GTSE1: variants seen among roughly 807,000 people sequenced by gnomAD.
GTSE1 encodes the protein G2 and S-phase expressed 1.
Under a neutral mutation model 60.5 loss-of-function variants are expected in GTSE1, and 52 were observed. That is an observed-to-expected ratio of 0.86 (90% CI 0.69 to 1.08). The LOEUF (loss-of-function observed/expected upper bound fraction) is 1.08, where lower values mean the gene tolerates loss of function less well. Ranked by LOEUF, GTSE1 falls within the 50% of genes least tolerant of loss-of-function variation. The pLI is 0.00. For synonymous variants in GTSE1, 368 were observed against 386.5 expected (o/e 0.95, Z 0.56); for missense variants, 937 against 961.8 (o/e 0.97, Z 0.34).
rs574871390 is a variant in GTSE1, at chr22:46,302,519, G to A, written c.79+5040G>A. On this transcript the variant is annotated intron_variant, in intron 2 of 11. Coordinates refer to ENST00000454366, the MANE Select transcript of GTSE1 (RefSeq NM_016426.7). ...CCTCCCTGGTAGCTGAGACTACCACGCCTAGCTAATTTTTGTATTTTTTGT... is the reference window on the plus strand; with the variant it reads ...CCTCCCTGGTAGCTGAGACTACCACACCTAGCTAATTTTTGTATTTTTTGT... 5.3e-5 allele frequency among the ~76,000 whole-genome samples: 8 copies of A among 151,916 alleles called. No individual in the cohort carries two copies. In the South Asian group the frequency reaches 1.0e-3, roughly 20 times the overall value.
intron 2 of GTSE1, among the ~76,000 whole-genome samples, chr22:46,299,031 A>T (rs1252272191): frequency 6.6e-6 from 1 of 152,056 alleles, no homozygotes; most frequent in East Asian, 1.9e-4. Context: ...CACTCCATTC[A>T]AGCTGCTTTC....
Position 46,329,349 on chromosome 22 carries a change from T to C in GTSE1, c.1927-9T>C. On this transcript the variant is annotated splice_polypyrimidine_tract_variant and intron_variant, in intron 10 of 11. Transcript: ENST00000454366. The surrounding 1 kb of genome is among the most constrained non-coding windows in gnomAD (Gnocchi z 6.4). ...TGGACTCTGCTCTTAACCTTGGTTT[T>C]GTACCCAGGCTCTTCTTGTAGATAT... The C allele has an allele frequency of 6.2e-7, 1 of 1,609,662 alleles. No homozygotes were observed. Among genetic ancestry groups the C allele is most frequent in the Non-Finnish European group, 8.5e-7 (1 of 1,175,982 alleles).
chr22:46,304,773 G>GTT lies in GTSE1; in HGVS notation c.80-3375_80-3374dup, dbSNP rs1235370965. On this transcript the variant is annotated intron_variant, in intron 2 of 11. Transcript: ENST00000454366. The surrounding 1 kb of genome is among the most constrained non-coding windows in gnomAD (Gnocchi z 4.4). ...GTAGGAGGAATGCTTGTTCCCAGCA[G>GTT]TTTGAGACCAGCCTGGGCAACATGA... is the stretch of plus-strand genomic sequence containing the variant. 1.3e-5 allele frequency among the ~76,000 whole-genome samples: 2 copies of GTT among 152,130 alleles called. No individual in the cohort carries two copies. The highest frequency in any genetic ancestry group is 2.9e-5 in the Non-Finnish European group (2 of 68,022).
chr22:46,315,247 CG>C (rs1412098955), intron 6 of GTSE1, among the ~76,000 whole-genome samples: 11 of 152,112 alleles, frequency 7.2e-5, no homozygotes, highest in Non-Finnish European at 1.2e-4. Context: ...TTAGTAGTGA[CG>C]GGGTTTCACC....
At position 46,313,506 on chromosome 22, in the gene GTSE1, TTTG is replaced by T. The variant is rs887677067; in HGVS notation, c.928-365_928-363del. On this transcript the variant is annotated intron_variant, in intron 5 of 11. Transcript: ENST00000454366. The surrounding 1 kb of genome is among the most constrained non-coding windows in gnomAD (Gnocchi z 4.4). ...TTTTAAAATAGTAAAAACACCAACT[TTTG>T]TTGTTGTTGTTGTTGTTGAGACGGA... Among the ~76,000 whole-genome samples the T allele has an allele frequency of 3.6e-4, 55 of 152,216 alleles. No individual in the cohort carries two copies. Among genetic ancestry groups the T allele is most frequent in the African/African-American group, 8.7e-4 (36 of 41,542 alleles).
chr22:46,315,494 T>C (rs2077773712), intron 6 of GTSE1, among the ~76,000 whole-genome samples: 1 of 150,474 alleles, frequency 6.6e-6, no homozygotes, highest in Admixed American at 6.6e-5. Context: ...ACTCCTGGGC[T>C]AAAGTTTTTC....
chr22:46,329,009 A>C lies in GTSE1; in HGVS notation c.1926+120A>C. The C allele has an allele frequency of 1.2e-6, 1 of 803,816 alleles. No homozygotes were observed. The highest frequency in any genetic ancestry group is 1.6e-5 in the South Asian group (1 of 61,654). The allele number at this position is 803,816 out of a possible 1,614,324, so 49.8% of individuals were successfully genotyped here. A position where few individuals can be genotyped will look rare whatever the true frequency, so the allele number is the denominator to read the frequency against. On this transcript the variant is annotated intron_variant, in intron 10 of 11. Coordinates refer to ENST00000454366, the MANE Select transcript of GTSE1 (RefSeq NM_016426.7). This position sits in a 1 kb window ranked among gnomAD's most constrained non-coding sequence, Gnocchi z 6.4. ...CCCTGCCATGCTTCATCCTGGGGCC[A>C]GTGCCTCCGTGCCAAGCAACCCAAA...
chr22:46,307,014 G>A (rs1768131695), intron 2 of GTSE1, among the ~76,000 whole-genome samples: 1 of 152,244 alleles, frequency 6.6e-6, no homozygotes, highest in South Asian at 2.1e-4. Flanking sequence ...GGCTAGTGCA[G>A]TGGTAGAAGT....
rs768595828 is a variant in GTSE1, at chr22:46,320,415, G to A, written c.1433-2775G>A. Among the ~76,000 whole-genome samples the A allele has an allele frequency of 5.3e-5, 8 of 152,182 alleles. No individual in the cohort carries two copies. The highest frequency in any genetic ancestry group is 8.8e-5 in the Non-Finnish European group (6 of 68,032). On this transcript the variant is annotated intron_variant, in intron 7 of 11. Transcript: ENST00000454366. The surrounding 1 kb of genome is among the most constrained non-coding windows in gnomAD (Gnocchi z 7.1). ...TGGTCCCACAAACTCAGCACTGGCCGGAAGAGAGGCCCCAGGGGAGCAGCC... is the reference window on the plus strand; with the variant it reads ...TGGTCCCACAAACTCAGCACTGGCCAGAAGAGAGGCCCCAGGGGAGCAGCC...
chr22:46,305,552 T>TG (rs2077710878), intron 2 of GTSE1, among the ~76,000 whole-genome samples: 1 of 151,274 alleles, frequency 6.6e-6, no homozygotes, highest in African/African-American at 2.4e-5. Context: ...GAGGTTGTAG[T>TG]GAGCCAAGAT....
In GTSE1 at chr22:46,316,658, T is replaced by C. The variant is rs1413093377; in HGVS notation, c.1432+246T>C. On this transcript the variant is annotated intron_variant, in intron 7 of 11. Transcript: ENST00000454366. The surrounding 1 kb of genome is among the most constrained non-coding windows in gnomAD (Gnocchi z 5.0). ...CTCGTAGGCTGCTTGTAAGGTTTTC[T>C]CTTTAGTGTTACTGTCGGGAATTTG... 6.6e-6 allele frequency among the ~76,000 whole-genome samples: 1 copy of C among 152,192 alleles called. No individual in the cohort carries two copies. Among genetic ancestry groups the C allele is most frequent in the Non-Finnish European group, 1.5e-5 (1 of 68,046 alleles).
In GTSE1 at chr22:46,329,175, G is replaced by A. The variant is rs1325859242; in HGVS notation, c.1927-183G>A. 5 of 667,008 alleles carry A rather than the reference G, an allele frequency of 7.5e-6. No homozygotes were observed. Among genetic ancestry groups the A allele is most frequent in the Admixed American group, 7.1e-5 (3 of 41,988 alleles). 41.3% of individuals were successfully genotyped at this position (667,008 alleles called of 1,614,324 possible). A position where few individuals can be genotyped will look rare whatever the true frequency, so the allele number is the denominator to read the frequency against. The stretch of plus-strand genomic sequence containing the variant: ...GCTGGTGAGCGGGTATGGACAGGGA[G>A]GTGGGCAACAGTCAGAGAGGCACGG... On this transcript the variant is annotated intron_variant, in intron 10 of 11. Coordinates refer to ENST00000454366, the MANE Select transcript of GTSE1 (RefSeq NM_016426.7). The surrounding 1 kb of genome is among the most constrained non-coding windows in gnomAD (Gnocchi z 6.4).
At position 46,307,801 on chromosome 22, in the gene GTSE1, G is replaced by A. The variant is rs1355353400; in HGVS notation, c.80-349G>A. Among the ~76,000 whole-genome samples the A allele has an allele frequency of 4.0e-5, 6 of 148,530 alleles. No individual in the cohort carries two copies. The East Asian group carries it at 5.8e-4, about 14-fold the overall frequency. On this transcript the variant is annotated intron_variant, in intron 2 of 11. Transcript: ENST00000454366. ...CAGGCATAAGCCACCGCCCCCAGCCGGCTGATGCAATTAAAAAAAAAAAAA... is the reference window on the plus strand; with the variant it reads ...CAGGCATAAGCCACCGCCCCCAGCCAGCTGATGCAATTAAAAAAAAAAAAA...
chr22:46,316,049 G>GC lies in GTSE1; in HGVS notation c.1070dup (p.Ser358LysfsTer6). The GC allele has an allele frequency of 1.3e-6, 2 of 1,512,394 alleles. No individual in the cohort carries two copies. The highest frequency in any genetic ancestry group is 1.8e-6 in the Non-Finnish European group (2 of 1,129,630). 93.7% of individuals were successfully genotyped at this position (1,512,394 alleles called of 1,614,324 possible). A position where few individuals can be genotyped will look rare whatever the true frequency, so the allele number is the denominator to read the frequency against. ...CCTTCTAGCTAAATCAAGTGAATTT[G>GC]CAAGTATTCCTGCAAATAGCTCCCG... On this transcript the variant is annotated frameshift_variant, in exon 7 of 12. Transcript: ENST00000454366. LOFTEE classifies it high-confidence loss of function. This position sits in a 1 kb window ranked among gnomAD's most constrained non-coding sequence, Gnocchi z 5.0.
chr22:46,298,050 T>C (rs1211448202), intron 2 of GTSE1, among the ~76,000 whole-genome samples: 1 of 151,244 alleles, frequency 6.6e-6, no homozygotes. Context: ...GCAACCTCTC[T>C]CTCCTGAGTT....
intron 2 of GTSE1, among the ~76,000 whole-genome samples, chr22:46,299,861 C>T (rs547307052): frequency 2.6e-4 from 37 of 144,712 alleles, no homozygotes; most frequent in African/African-American, 5.6e-4. Context: ...GGCGTGATCT[C>T]GGCTTACTGC....
rs2077727051 is a variant in GTSE1, at chr22:46,308,360, A to G, written c.179A>G (p.His60Arg). The change falls in exon 4 of 12, where the codon CAT (histidine) becomes CGT (arginine). Residue 60 changes from histidine to arginine, a missense_variant. Coordinates refer to ENST00000454366, the MANE Select transcript of GTSE1 (RefSeq NM_016426.7). Reference sequence around the variant, plus strand: ...GAAGTCTTCTTCGGACCCTTTGGACATAAAGAAAGATGTATTGCTGCCAGC... The same window carrying G: ...GAAGTCTTCTTCGGACCCTTTGGACGTAAAGAAAGATGTATTGCTGCCAGC... ...DDEVFFGPFG[H>R]KERCIAASLE... is the part of the protein sequence containing the mutation. The G allele has an allele frequency of 6.2e-7, 1 of 1,613,986 alleles. No individual in the cohort carries two copies.
chr22:46,306,533 T>G (rs530874156), intron 2 of GTSE1, among the ~76,000 whole-genome samples: 2 of 151,774 alleles, frequency 1.3e-5, no homozygotes, highest in Admixed American at 1.3e-4. Flanking sequence ...CAGGCTGGAG[T>G]GCAGTGGCGC....
intron 4 of GTSE1, among the ~76,000 whole-genome samples, chr22:46,311,519 T>C (rs1165787209): frequency 6.6e-6 from 1 of 152,272 alleles, no homozygotes; most frequent in East Asian, 1.9e-4. Flanking sequence ...TCTCAGTTTT[T>C]AGAAATGCTA....
Sources: allele counts gnomAD v4.1 joint callset (sites outside exome capture counted in the v4.1 genomes callset), GRCh38; gene constraint gnomAD v4.1.1; non-coding constraint Gnocchi (gnomAD v3.1); transcripts MANE v1.5; gene names NCBI Gene and HGNC (gene_info 2026-07-23, HGNC 2026-07-21).